CCDC60: variants seen among roughly 807,000 people sequenced by gnomAD.
CCDC60 encodes the protein coiled-coil domain-containing protein 60.
Under a neutral mutation model 63.5 loss-of-function variants are expected in CCDC60, and 54 were observed. The observed-to-expected ratio is 0.85, with a 90% CI of 0.68 to 1.07. The LOEUF (loss-of-function observed/expected upper bound fraction) is 1.07, where lower values mean the gene tolerates loss of function less well. Among genes scored for constraint, CCDC60 ranks in the 50% least tolerant of loss-of-function variants. CCDC60 has a pLI of 0.00. For missense variants in CCDC60, 651 were observed against 684.3 expected (o/e 0.95, Z 0.54); for synonymous variants, 206 against 238.8 (o/e 0.86, Z 1.27).
intron 1 of CCDC60, among the ~76,000 whole-genome samples, chr12:119,336,758 G>A (rs1479385284): frequency 1.3e-5 from 2 of 152,218 alleles, no homozygotes; most frequent in South Asian, 2.1e-4. Flanking sequence ...CCACTGTGAT[G>A]TTAACGCTGG....
intron 1 of CCDC60, among the ~76,000 whole-genome samples, chr12:119,387,623 CATTTT>C (rs528588264): frequency 2.2e-4 from 34 of 152,278 alleles, no homozygotes; most frequent in African/African-American, 7.7e-4. Context: ...AATCTTTACA[CATTTT>C]ATTTTAAGGA....
intron 2 of CCDC60, among the ~76,000 whole-genome samples, chr12:119,436,505 A>C (rs1213413271): frequency 1.3e-5 from 2 of 151,734 alleles, no homozygotes; most frequent in Admixed American, 1.3e-4. Context: ...CAGCAAGCAA[A>C]GAGAAGCAAG....
chr12:119,405,868 T>TCAA (rs1247904900), intron 1 of CCDC60, among the ~76,000 whole-genome samples: 1 of 151,716 alleles, frequency 6.6e-6, no homozygotes, highest in East Asian at 1.9e-4. Flanking sequence ...TGGTTAATTC[T>TCAA]GTAATTAAAA....
At chr12:119,373,648 C>T (rs1308056205) in intron 1 of CCDC60, among the ~76,000 whole-genome samples, 2 of 89,802 alleles carry the variant, frequency 2.2e-5, no homozygotes, top group South Asian at 3.9e-4. Context: ...AGGCAAGATA[C>T]TTTCTCTCCG....
In CCDC60 at chr12:119,420,670, C is replaced by T. The variant is rs1282264882; in HGVS notation, c.91-8013C>T. Among the ~76,000 whole-genome samples the T allele has an allele frequency of 2.0e-5, 3 of 152,066 alleles. No homozygotes were observed. The highest frequency in any genetic ancestry group is 6.5e-5 in the Admixed American group (1 of 15,270). ...GCTATTTGATAGCACAACAGGTTGACTATAGTCAATAATAACTCACTTTTT... is the reference window on the plus strand; with the variant it reads ...GCTATTTGATAGCACAACAGGTTGATTATAGTCAATAATAACTCACTTTTT... On this transcript the variant is annotated intron_variant, in intron 1 of 13. Coordinates refer to ENST00000327554, the MANE Select transcript of CCDC60 (RefSeq NM_178499.5). The surrounding 1 kb of genome is among the most constrained non-coding windows in gnomAD (Gnocchi z 4.1).
chr12:119,526,479 C>T (rs1226615491), intron 11 of CCDC60, among the ~76,000 whole-genome samples: 1 of 152,176 alleles, frequency 6.6e-6, no homozygotes, highest in African/African-American at 2.4e-5. Flanking sequence ...AACTGACACC[C>T]CACAGAATGG....
intron 2 of CCDC60, among the ~76,000 whole-genome samples, chr12:119,452,360 T>C (rs144059629): frequency 2.1e-4 from 32 of 152,366 alleles, no homozygotes; most frequent in African/African-American, 7.5e-4. Flanking sequence ...CTTTTGCATC[T>C]ATTTTCTGAT....
chr12:119,392,646 T>C (rs540805112), intron 1 of CCDC60, among the ~76,000 whole-genome samples: 1 of 152,328 alleles, frequency 6.6e-6, no homozygotes, highest in African/African-American at 2.4e-5. Flanking sequence ...CACAAAGTGG[T>C]GCTCAATAAA....
rs765832858 is a variant in CCDC60 at position 119,479,164 on chromosome 12, A to G, written c.412A>G (p.Ser138Gly). The change falls in exon 4 of 14, where the codon AGC becomes GGC. Residue 138 changes from serine to glycine, a missense_variant. Transcript: ENST00000327554. ...VTRRPFTPIHSCIISPSLTEA... is the reference protein window; with the variant it reads ...VTRRPFTPIHGCIISPSLTEA... ...ACGTCGCCCATTCACTCCCATCCAC[A>G]GCTGCATCATTTCTCCCTCGCTAAC... 3.0e-5 allele frequency: 49 copies of G among 1,613,934 alleles called. No individual in the cohort carries two copies. The highest frequency in any genetic ancestry group is 4.1e-5 in the Non-Finnish European group (48 of 1,179,964).
At chr12:119,354,643 TGTGA>T (rs1955698236) in intron 1 of CCDC60, among the ~76,000 whole-genome samples, 5 of 152,204 alleles carry the variant, frequency 3.3e-5, no homozygotes, top group African/African-American at 1.2e-4. Context: ...GGCAAATGGA[TGTGA>T]GTTTGTTTGC....
intron 2 of CCDC60, among the ~76,000 whole-genome samples, chr12:119,453,132 T>A (rs2136286405): frequency 6.6e-6 from 1 of 152,346 alleles, no homozygotes; most frequent in Non-Finnish European, 1.5e-5. Flanking sequence ...CAGCCAGAAC[T>A]TGGCTTTTTA....
Position 119,509,383 on chromosome 12 carries a change from C to T in CCDC60, c.883+4080C>T, listed in dbSNP as rs1952146626. 2.0e-5 allele frequency among the ~76,000 whole-genome samples: 3 copies of T among 152,258 alleles called. No individual in the cohort carries two copies. In the South Asian group the frequency reaches 6.2e-4, roughly 32 times the overall value. ...ACTTTGAGAGGTCAAGACAGGAGGA[C>T]CACTTGAGGCCAGGAGTTCGAGATT... On this transcript the variant is annotated intron_variant, in intron 7 of 13. Transcript: ENST00000327554.
chr12:119,494,396 G>A (rs1434231379), intron 5 of CCDC60, among the ~76,000 whole-genome samples: 3 of 152,196 alleles, frequency 2.0e-5, no homozygotes, highest in Non-Finnish European at 4.4e-5. Flanking sequence ...CGAGTCCCCA[G>A]AGTCCTGTGC....
chr12:119,353,579 C>CCTT (rs1249166643), intron 1 of CCDC60, among the ~76,000 whole-genome samples: 6 of 133,646 alleles, frequency 4.5e-5, no homozygotes, highest in South Asian at 2.3e-4. Context: ...TCCCCTCTCT[C>CCTT]CTTCTTCTTC....
Position 119,520,122 on chromosome 12 carries a change from A to G in CCDC60, c.970A>G (p.Ile324Val), listed in dbSNP as rs1952483336. The change falls in exon 9 of 14, where the codon ATC (isoleucine) becomes GTC (valine). Residue 324 changes from isoleucine to valine, a missense_variant and splice_region_variant. Ile to Val is a conservative substitution (Grantham distance 29). Coordinates refer to ENST00000327554, the MANE Select transcript of CCDC60 (RefSeq NM_178499.5). Reference protein sequence around the residue: ...ENGMQRKAPSILSVLKQNKSN... With the variant: ...ENGMQRKAPSVLSVLKQNKSN... The stretch of plus-strand genomic sequence containing the variant: ...TAAAGGACTCATTTTGCCTTGCAGC[A>G]TCTTGTCAGTGCTGAAACAAAACAA... 1 of 1,613,538 alleles carries G rather than the reference A, an allele frequency of 6.2e-7. No homozygotes were observed. Among genetic ancestry groups the G allele is most frequent in the Admixed American group, 1.7e-5 (1 of 59,928 alleles).
At position 119,410,911 on chromosome 12, in the gene CCDC60, T is replaced by C. The variant is rs1333664638; in HGVS notation, c.91-17772T>C. Among the ~76,000 whole-genome samples, 1 of 106,956 alleles carries C rather than the reference T, an allele frequency of 9.3e-6. No homozygotes were observed. The highest frequency in any genetic ancestry group is 2.1e-5 in the Non-Finnish European group (1 of 47,274). 70.2% of individuals were successfully genotyped at this position (106,956 alleles called of 152,430 possible). ...GCACGCACCACTACACTCAGCTAAT[T>C]TTTGTATTTTTTTTTAGTAGAGACA... is the stretch of plus-strand genomic sequence containing the variant. On this transcript the variant is annotated intron_variant, in intron 1 of 13. Transcript: ENST00000327554. The surrounding 1 kb of genome is among the most constrained non-coding windows in gnomAD (Gnocchi z 4.0).
chr12:119,472,312 A>G lies in CCDC60; in HGVS notation c.341+148A>G. ...TCTAACACCTTCTTTAGTGTGGTCCAACCAACCTTGATAGCCTCGCTTTCT... is the reference window on the plus strand; with the variant it reads ...TCTAACACCTTCTTTAGTGTGGTCCGACCAACCTTGATAGCCTCGCTTTCT... On this transcript the variant is annotated intron_variant, in intron 3 of 13. Transcript: ENST00000327554. 6.9e-6 allele frequency: 5 copies of G among 721,332 alleles called. No homozygotes were observed. The South Asian group carries it at 9.2e-5, about 13-fold the overall frequency. The allele number at this position is 721,332 out of a possible 1,614,324, so 44.7% of individuals were successfully genotyped here.
chr12:119,475,372 C>G (rs1032053080), intron 3 of CCDC60, among the ~76,000 whole-genome samples: 2 of 152,178 alleles, frequency 1.3e-5, no homozygotes, highest in Non-Finnish European at 2.9e-5. Context: ...GGTCGTAGAA[C>G]GCAATTCTCC....
At chr12:119,539,457 C>G (rs1433121472) in intron 13 of CCDC60, among the ~76,000 whole-genome samples, 1 of 152,218 alleles carries the variant, frequency 6.6e-6, no homozygotes, top group Non-Finnish European at 1.5e-5. Context: ...CCAGTTTGAA[C>G]TTTCTGGTGG....
Sources: gnomAD v4.1 joint callset for allele counts (sites outside exome capture counted in the v4.1 genomes callset) on GRCh38, gnomAD v4.1.1 for gene constraint, Gnocchi (gnomAD v3.1) non-coding constraint, MANE v1.5 for transcripts, NCBI Gene and HGNC (gene_info 2026-07-23, HGNC 2026-07-21) for gene names.